Variants in CNTN4 observed in about 807,000 individuals in gnomAD.
CNTN4 encodes the protein contactin 4.
A neutral mutation model predicts 122.5 loss-of-function variants in CNTN4; 77 were observed. That is an observed-to-expected ratio of 0.63 (90% CI 0.52 to 0.76). The LOEUF is 0.76. Among genes scored for constraint, CNTN4 ranks in the 30% least tolerant of loss-of-function variants. The pLI is 0.00. For synonymous variants in CNTN4, 512 were observed against 447.0 expected, an observed-to-expected ratio of 1.15 and a Z score of -1.83; for missense variants, 1,256 against 1,259.1, an observed-to-expected ratio of 1.00 and a Z score of 0.04.
intron 2 of CNTN4, among the ~76,000 whole-genome samples, chr3:2,183,004 TA>T (rs1363139804): frequency 2.0e-5 from 3 of 152,134 alleles, no homozygotes; most frequent in Non-Finnish European, 2.9e-5. Context: ...GGTAGGAAGA[TA>T]AAATTTTAGC....
chr3:2,417,674 T>C lies in CNTN4; in HGVS notation c.-89+78441T>C, dbSNP rs79852818. On this transcript the variant is annotated intron_variant, in intron 3 of 24. Coordinates refer to ENST00000418658, the MANE Select transcript of CNTN4 (RefSeq NM_175607.3). ...GAAAACTTATGTTTACATAAAGACCTGCACACTGATGTTTCTAGCAGCTTT... is the reference window on the plus strand; with the variant it reads ...GAAAACTTATGTTTACATAAAGACCCGCACACTGATGTTTCTAGCAGCTTT... Among the ~76,000 whole-genome samples, 561 of 152,342 alleles carry C rather than the reference T, an allele frequency of 3.7e-3. 3 individuals are homozygous for C. Among genetic ancestry groups the C allele is most frequent in the African/African-American group, 0.013 (539 of 41,586 alleles).
At chr3:3,009,096 A>G in intron 14 of CNTN4, 2 of 926,186 alleles carry the variant, frequency 2.2e-6, no homozygotes, top group Non-Finnish European at 2.6e-6. Flanking sequence ...TTAGGGAAGT[A>G]CCATGCCTTG....
chr3:2,495,097 A>G (rs779518011), intron 3 of CNTN4, among the ~76,000 whole-genome samples: 1 of 152,200 alleles, frequency 6.6e-6, no homozygotes, highest in Non-Finnish European at 1.5e-5. Flanking sequence ...CATCTATTGC[A>G]GAGCAGCTAA....
intron 3 of CNTN4, among the ~76,000 whole-genome samples, chr3:2,402,206 A>G (rs1384613925): frequency 6.6e-6 from 1 of 152,098 alleles, no homozygotes; most frequent in Non-Finnish European, 1.5e-5. Context: ...GGATTTTATC[A>G]TATCCCCAAC....
chr3:2,728,026 G>T (rs919725819), intron 4 of CNTN4, among the ~76,000 whole-genome samples: 7 of 152,124 alleles, frequency 4.6e-5, no homozygotes, highest in Non-Finnish European at 1.0e-4. Context: ...GCTGTGTGTT[G>T]GCCAGTTTTT....
At chr3:2,815,657 C>G (rs1413223063) in intron 6 of CNTN4, among the ~76,000 whole-genome samples, 1 of 152,090 alleles carries the variant, frequency 6.6e-6, no homozygotes, top group East Asian at 1.9e-4. Context: ...AGTACAGCCA[C>G]TATGGAAAAC....
intron 3 of CNTN4, among the ~76,000 whole-genome samples, chr3:2,568,966 T>A (rs1220716188): frequency 1.3e-5 from 2 of 152,278 alleles, no homozygotes; most frequent in South Asian, 2.1e-4. Context: ...CGAGATGACA[T>A]TTCTCTCACA....
intron 4 of CNTN4, among the ~76,000 whole-genome samples, chr3:2,706,060 A>G (rs1428511214): frequency 1.4e-5 from 2 of 146,904 alleles, no homozygotes; most frequent in Admixed American, 1.4e-4. Context: ...ATATATATAT[A>G]GGCTTTTAAA....
intron 4 of CNTN4, among the ~76,000 whole-genome samples, chr3:2,677,610 G>A (rs1255219850): frequency 1.3e-5 from 2 of 152,036 alleles, no homozygotes; most frequent in Non-Finnish European, 2.9e-5. Flanking sequence ...TTCATAAAGA[G>A]AGGTTGAACA....
At chr3:2,696,292 T>C (rs778966033) in intron 4 of CNTN4, among the ~76,000 whole-genome samples, 4 of 152,230 alleles carry the variant, frequency 2.6e-5, no homozygotes, top group African/African-American at 4.8e-5. Flanking sequence ...ATGAGTTGAA[T>C]GTGTGTTCCC....
intron 3 of CNTN4, among the ~76,000 whole-genome samples, chr3:2,418,505 C>T (rs909325905): frequency 1.3e-5 from 2 of 152,054 alleles, no homozygotes; most frequent in African/African-American, 4.8e-5. Context: ...AGAATTTGCC[C>T]CAGTAGCAAA....
intron 3 of CNTN4, among the ~76,000 whole-genome samples, chr3:2,569,549 A>G (rs760204146): frequency 1.3e-4 from 20 of 152,186 alleles, no homozygotes; most frequent in Admixed American, 9.8e-4. Flanking sequence ...ATATTTTTTT[A>G]CATGAAAGCT....
intron 4 of CNTN4, among the ~76,000 whole-genome samples, chr3:2,605,621 G>A (rs1252927532): frequency 6.6e-6 from 1 of 152,174 alleles, no homozygotes; most frequent in African/African-American, 2.4e-5. Context: ...CCCAAGTGGT[G>A]GAGGTAGAGA....
chr3:3,024,384 TAAAAAAAAAAAAA>T (rs55892513), intron 14 of CNTN4, among the ~76,000 whole-genome samples: 5 of 90,264 alleles, frequency 5.5e-5, no homozygotes, highest in African/African-American at 2.1e-4. Context: ...TTTTCCTCAT[TAAAAAAAAAAAAA>T]AAAAAAAAAA....
chr3:2,587,113 A>G (rs1050305431), intron 4 of CNTN4, among the ~76,000 whole-genome samples: 4 of 152,170 alleles, frequency 2.6e-5, no homozygotes, highest in African/African-American at 9.7e-5. Flanking sequence ...TAATATATCC[A>G]TATATTGAAT....
chr3:2,212,216 C>T (rs545396169), intron 2 of CNTN4, among the ~76,000 whole-genome samples: 3 of 152,164 alleles, frequency 2.0e-5, no homozygotes, highest in South Asian at 2.1e-4. Flanking sequence ...CTCAAGTAAT[C>T]CTCCTGTCTC....
intron 6 of CNTN4, among the ~76,000 whole-genome samples, chr3:2,754,276 A>T (rs2090230683): frequency 6.6e-6 from 1 of 152,202 alleles, no homozygotes; most frequent in South Asian, 2.1e-4. Context: ...TTCTTGTAGT[A>T]GTTCAGATCT....
rs1246566393 is a variant in CNTN4 at position 2,841,174 on chromosome 3, ATCTG to A, written c.454+21597_454+21600del. Among the ~76,000 whole-genome samples, 1 of 151,976 alleles carries A rather than the reference ATCTG, an allele frequency of 6.6e-6. No individual in the cohort carries two copies. The highest frequency in any genetic ancestry group is 1.5e-5 in the Non-Finnish European group (1 of 68,040). On this transcript the variant is annotated intron_variant, in intron 7 of 24. Coordinates refer to ENST00000418658, the MANE Select transcript of CNTN4 (RefSeq NM_175607.3). This position sits in a 1 kb window ranked among gnomAD's most constrained non-coding sequence, Gnocchi z 4.8. ...ACTCTCATAGAATTTAAGTCAAAAT[ATCTG>A]TCTTTGTTTGCATTGCCCAAAGAAG...
chr3:2,261,882 A>T (rs1459469430), intron 2 of CNTN4, among the ~76,000 whole-genome samples: 4 of 152,080 alleles, frequency 2.6e-5, no homozygotes, highest in East Asian at 1.9e-4. Context: ...GTTGAAAGCG[A>T]TTTTATTGTT....
Sources: allele counts gnomAD v4.1 joint callset (sites outside exome capture counted in the v4.1 genomes callset), GRCh38; gene constraint gnomAD v4.1.1; non-coding constraint Gnocchi (gnomAD v3.1); transcripts MANE v1.5; gene names NCBI Gene and HGNC (gene_info 2026-07-23, HGNC 2026-07-21).